The following FLNB variants were observed in gnomAD, a reference collection of about 807,000 sequenced individuals.
FLNB encodes filamin B, also known as filamin-B.
A neutral mutation model predicts 250.6 loss-of-function variants in FLNB; 111 were observed. That is an observed-to-expected ratio of 0.44 (90% CI 0.38 to 0.52). The LOEUF (loss-of-function observed/expected upper bound fraction) is 0.52. Among genes scored for constraint, FLNB ranks in the 20% least tolerant of loss-of-function variants. The pLI is 0.00. For missense variants in FLNB, 2,869 were observed against 3,447.8 expected, an observed-to-expected ratio of 0.83 and a Z score of 4.20; for synonymous variants, 1,302 against 1,372.1, an observed-to-expected ratio of 0.95 and a Z score of 1.13.
Position 58,098,851 on chromosome 3 carries a change from ATCT to A in FLNB, c.1293_1295del (p.Phe432del), listed in dbSNP as rs765983874. The stretch of plus-strand genomic sequence containing the variant: ...GCAGCCTGGCCCTCACGTGGTCAAG[ATCT>A]TCTTTGCTGGGGACACTATTCCTAA... On this transcript the variant is annotated inframe_deletion, in exon 8 of 46. Transcript: ENST00000295956. The A allele has an allele frequency of 5.0e-6, 8 of 1,614,034 alleles. No homozygotes were observed. The East Asian group carries it at 1.3e-4, about 27-fold the overall frequency.
chr3:58,025,991 G>C (rs2097123096), intron 1 of FLNB, among the ~76,000 whole-genome samples: 1 of 152,212 alleles, frequency 6.6e-6, no homozygotes, highest in Non-Finnish European at 1.5e-5. Flanking sequence ...TGCCTCTAAA[G>C]CTCTTGGCAC....
chr3:58,065,425 A>T (rs1318730769), intron 1 of FLNB, among the ~76,000 whole-genome samples: 2 of 152,244 alleles, frequency 1.3e-5, no homozygotes, highest in African/African-American at 4.8e-5. Context: ...CTTTGATAAC[A>T]GAGAGAAGTG....
intron 4 of FLNB, among the ~76,000 whole-genome samples, chr3:58,085,992 A>C (rs2097216732): frequency 6.6e-6 from 1 of 151,776 alleles, no homozygotes; most frequent in African/African-American, 2.4e-5. Context: ...TTACTTACTT[A>C]TTTTTGTTGT....
At chr3:58,121,879 C>T (rs1043012925) in intron 20 of FLNB, among the ~76,000 whole-genome samples, 14 of 152,210 alleles carry the variant, frequency 9.2e-5, no homozygotes, top group Non-Finnish European at 1.3e-4. Flanking sequence ...TATAAAAATA[C>T]ATTATTCTGG....
intron 44 of FLNB, 124 bp downstream of exon 44, chr3:58,168,782 G>C: frequency 6.6e-6 from 5 of 756,224 alleles, no homozygotes; most frequent in Non-Finnish European, 1.2e-5. Flanking sequence ...TTGAATGTCA[G>C]TAAATAGTAT....
chr3:58,095,486 C>T (rs965118431), intron 5 of FLNB, among the ~76,000 whole-genome samples: 14 of 152,272 alleles, frequency 9.2e-5, no homozygotes, highest in African/African-American at 3.1e-4. Flanking sequence ...GAACTCCTGA[C>T]CTCAGGTGAT....
chr3:58,121,212 C>A, intron 19 of FLNB, 29 bp from the exon 20 acceptor site: 1 of 1,613,402 alleles, frequency 6.2e-7, no homozygotes, highest in Middle Eastern at 1.7e-4. Flanking sequence ...AGGGTCAGCT[C>A]TTCACCTCAG....
intron 32 of FLNB, 52 bp downstream of exon 32, chr3:58,143,665 G>A (rs745392716): frequency 1.4e-5 from 22 of 1,608,336 alleles, no homozygotes; most frequent in Non-Finnish European, 1.8e-5. Flanking sequence ...GGGCATCCGG[G>A]CAGCCTGCAG....
intron 8 of FLNB, among the ~76,000 whole-genome samples, chr3:58,099,955 A>T (rs955191406): frequency 3.3e-5 from 5 of 152,126 alleles, no homozygotes; most frequent in Non-Finnish European, 5.9e-5. Context: ...CTCTAGCCCC[A>T]TTTAATGTTT....
rs2097328934 is a variant in FLNB, at chr3:58,142,603, C to T, written c.5182-47C>T. ...TCTAACCCCTGTAGCTTCACCAGCT[C>T]CCGCTGTTGTCTGCTTTACCCAGTG... On this transcript the variant is annotated intron_variant, in intron 30 of 45. Coordinates refer to ENST00000295956, the MANE Select transcript of FLNB (RefSeq NM_001457.4). The surrounding 1 kb of genome is among the most constrained non-coding windows in gnomAD (Gnocchi z 4.3). The T allele has an allele frequency of 1.3e-6, 2 of 1,503,068 alleles. No homozygotes were observed. The highest frequency in any genetic ancestry group is 1.9e-6 in the Non-Finnish European group (2 of 1,080,350). The allele number at this position is 1,503,068 out of a possible 1,614,324, so 93.1% of individuals were successfully genotyped here.
chr3:58,153,366 C>T lies in FLNB; in HGVS notation c.6368-9C>T, dbSNP rs778380986. ...CTCTTCTCTCCCCCAACCTCCCTCC[C>T]TCTTTCAGAAATCAACAGCAGTGAT... On this transcript the variant is annotated splice_polypyrimidine_tract_variant and intron_variant, in intron 38 of 45. Transcript: ENST00000295956. 2 of 1,614,076 alleles carry T rather than the reference C, an allele frequency of 1.2e-6. No homozygotes were observed. Among genetic ancestry groups the T allele is most frequent in the East Asian group, 4.5e-5 (2 of 44,878 alleles).
intron 39 of FLNB, 44 bp from the exon 40 acceptor site, chr3:58,154,747 C>A: frequency 6.2e-7 from 1 of 1,608,810 alleles, no homozygotes; most frequent in Non-Finnish European, 8.5e-7. Flanking sequence ...GGGACAGGGG[C>A]TCTGTGGGGC....
chr3:58,028,331 C>T (rs534747377), intron 1 of FLNB, among the ~76,000 whole-genome samples: 1 of 152,180 alleles, frequency 6.6e-6, no homozygotes, highest in African/African-American at 2.4e-5. Context: ...AGGAAAATCA[C>T]AGGACTAAAT....
rs2097313469 is a variant in FLNB at position 58,134,877 on chromosome 3, GTTGT to G, written c.4671+111_4671+114del. ...ATAACCGATTTCTGACTCAATGCAA[GTTGT>G]TTGTTAGATTTTCCCACCAAAGAGT... On this transcript the variant is annotated intron_variant, in intron 27 of 45. Coordinates refer to ENST00000295956, the MANE Select transcript of FLNB (RefSeq NM_001457.4). The G allele has an allele frequency of 1.0e-4, 109 of 1,083,908 alleles. No individual in the cohort carries two copies. In the South Asian group the frequency reaches 1.5e-3, roughly 15 times the overall value. The allele number at this position is 1,083,908 out of a possible 1,614,324, so 67.1% of individuals were successfully genotyped here.
intron 25 of FLNB, chr3:58,132,255 G>C (rs1011541583): frequency 5.7e-6 from 3 of 523,004 alleles, no homozygotes; most frequent in African/African-American, 3.8e-5. Flanking sequence ...ATCTCCACAG[G>C]CTTCACCTTG....
At chr3:58,151,657 TA>T (rs2097345223) in intron 38 of FLNB, among the ~76,000 whole-genome samples, 1 of 152,186 alleles carries the variant, frequency 6.6e-6, no homozygotes, top group Non-Finnish European at 1.5e-5. Flanking sequence ...ATGACCCTGA[TA>T]AAATGCCATT....
chr3:58,143,960 G>A (rs1229259887), intron 32 of FLNB, among the ~76,000 whole-genome samples: 1 of 152,168 alleles, frequency 6.6e-6, no homozygotes, highest in Non-Finnish European at 1.5e-5. Flanking sequence ...TGGGCTGGAG[G>A]CTTGGGGCCA....
At position 58,169,814 on chromosome 3, in the gene FLNB, A is replaced by G. The variant is rs1017720045; in HGVS notation, c.7621+21A>G. The G allele has an allele frequency of 1.4e-6, 2 of 1,451,594 alleles. No individual in the cohort carries two copies. The highest frequency in any genetic ancestry group is 1.4e-5 in the African/African-American group (1 of 71,046). The allele number at this position is 1,451,594 out of a possible 1,614,324, so 89.9% of individuals were successfully genotyped here. A position where few individuals can be genotyped will look rare whatever the true frequency, so the allele number is the denominator to read the frequency against. On this transcript the variant is annotated intron_variant, in intron 45 of 45. Transcript: ENST00000295956. The surrounding 1 kb of genome is among the most constrained non-coding windows in gnomAD (Gnocchi z 4.8). Reference sequence around the variant, plus strand: ...AGCTGGTAGGTGTCTGGGCCTTTTCAAGGGTGGGGTGGGGCAGGGGCAGGC... The same window carrying G: ...AGCTGGTAGGTGTCTGGGCCTTTTCGAGGGTGGGGTGGGGCAGGGGCAGGC...
chr3:58,161,999 G>A (rs1430252195), intron 42 of FLNB, among the ~76,000 whole-genome samples: 1 of 152,200 alleles, frequency 6.6e-6, no homozygotes, highest in African/African-American at 2.4e-5. Context: ...CATTGACTAA[G>A]GCTTAGTGAA....
Sources: gnomAD v4.1 joint callset for allele counts (sites outside exome capture counted in the v4.1 genomes callset) on GRCh38, gnomAD v4.1.1 for gene constraint, Gnocchi (gnomAD v3.1) non-coding constraint, MANE v1.5 for transcripts, NCBI Gene and HGNC (gene_info 2026-07-23, HGNC 2026-07-21) for gene names.